The following WWOX variants were observed in gnomAD, a reference collection of about 807,000 sequenced individuals.
WWOX encodes the protein WW domain-containing oxidoreductase.
WWOX carries 69 observed loss-of-function variants against 46.2 expected under a neutral mutation model. The observed-to-expected ratio is 1.49, with a 90% CI of 1.23 to 1.82. The LOEUF (loss-of-function observed/expected upper bound fraction) is 1.82. WWOX is among the 40% of genes most tolerant of loss of function. The pLI is 0.00. For synonymous variants in WWOX, 359 were observed against 202.6 expected, an observed-to-expected ratio of 1.77 and a Z score of -6.56; for missense variants, 919 against 542.6, an observed-to-expected ratio of 1.69 and a Z score of -6.89.
At chr16:78,790,425 G>A (rs569056099) in intron 8 of WWOX, among the ~76,000 whole-genome samples, 15 of 152,194 alleles carry the variant, frequency 9.9e-5, no homozygotes, top group Admixed American at 6.5e-4. Flanking sequence ...GTGAGCCACC[G>A]TGCCCAGCTC....
chr16:78,303,771 C>T (rs201729319), intron 5 of WWOX, among the ~76,000 whole-genome samples: 2 of 152,044 alleles, frequency 1.3e-5, no homozygotes, highest in African/African-American at 2.4e-5. Context: ...CTCAAACTCC[C>T]GACCTGAGAT....
At chr16:78,678,164 C>T (rs1014854196) in intron 8 of WWOX, among the ~76,000 whole-genome samples, 9 of 152,118 alleles carry the variant, frequency 5.9e-5, no homozygotes, top group Non-Finnish European at 1.2e-4. Context: ...TCTCCTGGGT[C>T]CTGAGTACCA....
In WWOX at chr16:78,434,522, G is replaced by A. The variant is rs541792878; in HGVS notation, c.1056+1770G>A. ...AATGAGGCATTTAGGAATGGGGAGA[G>A]GAGAGAGGTGGATTCTTCCTTATTT... On this transcript the variant is annotated intron_variant, in intron 8 of 8. Transcript: ENST00000566780. 3.9e-5 allele frequency among the ~76,000 whole-genome samples: 6 copies of A among 152,340 alleles called. No homozygotes were observed. In the South Asian group the frequency reaches 1.2e-3, roughly 32 times the overall value.
At chr16:78,716,816 C>G (rs1025208391) in intron 8 of WWOX, among the ~76,000 whole-genome samples, 2 of 152,170 alleles carry the variant, frequency 1.3e-5, no homozygotes, top group African/African-American at 4.8e-5. Context: ...GGTCCATAGC[C>G]TGAGCTTACC....
At chr16:78,903,757 C>T (rs1235051431) in intron 8 of WWOX, among the ~76,000 whole-genome samples, 4 of 152,192 alleles carry the variant, frequency 2.6e-5, no homozygotes, top group East Asian at 3.9e-4. Flanking sequence ...AGTACAGGAG[C>T]TCAGAAAAGT....
At chr16:78,909,527 C>T (rs1468215575) in intron 8 of WWOX, among the ~76,000 whole-genome samples, 1 of 152,130 alleles carries the variant, frequency 6.6e-6, no homozygotes, top group Non-Finnish European at 1.5e-5. Context: ...TCCCACGTGC[C>T]TTCTGGATGG....
intron 8 of WWOX, among the ~76,000 whole-genome samples, chr16:79,152,199 C>T (rs1308469279): frequency 6.6e-6 from 1 of 152,168 alleles, no homozygotes; most frequent in Non-Finnish European, 1.5e-5. Context: ...CGAGGCGAGG[C>T]CCTGAGGAGC....
chr16:79,141,746 A>G (rs1040327584), intron 8 of WWOX, among the ~76,000 whole-genome samples: 1 of 151,970 alleles, frequency 6.6e-6, no homozygotes, highest in African/African-American at 2.4e-5. Flanking sequence ...GAGGGCCAGA[A>G]GGAAGCAGTG....
intron 8 of WWOX, among the ~76,000 whole-genome samples, chr16:78,661,755 G>C (rs1343155589): frequency 3.3e-5 from 5 of 152,174 alleles, no homozygotes; most frequent in Non-Finnish European, 1.5e-5. Context: ...GTAGTTAATA[G>C]ACTGGGTACA....
intron 8 of WWOX, among the ~76,000 whole-genome samples, chr16:78,660,374 A>G (rs1030234139): frequency 6.6e-6 from 1 of 152,108 alleles, no homozygotes; most frequent in South Asian, 2.1e-4. Flanking sequence ...GGGGAAACAG[A>G]AGGAAATTGG....
At chr16:78,387,963 A>C (rs1174951221) in intron 6 of WWOX, among the ~76,000 whole-genome samples, 3 of 152,080 alleles carry the variant, frequency 2.0e-5, no homozygotes, top group African/African-American at 7.2e-5. Context: ...TGTTGCAAGC[A>C]GATGAAGGAT....
At chr16:78,764,696 C>T (rs992017557) in intron 8 of WWOX, among the ~76,000 whole-genome samples, 3 of 150,564 alleles carry the variant, frequency 2.0e-5, no homozygotes, top group Non-Finnish European at 2.9e-5. Flanking sequence ...GTTTCCTCAT[C>T]TGCAAAATGG....
intron 8 of WWOX, among the ~76,000 whole-genome samples, chr16:78,543,516 C>G (rs1278534680): frequency 6.6e-6 from 1 of 152,218 alleles, no homozygotes; most frequent in Admixed American, 6.5e-5. Context: ...GCACCTTACA[C>G]AGAAGTTTGG....
Position 78,535,926 on chromosome 16 carries a change from C to T in WWOX, c.1056+103174C>T, listed in dbSNP as rs533935055. Among the ~76,000 whole-genome samples, 46 of 152,190 alleles carry T rather than the reference C, an allele frequency of 3.0e-4. 1 individual carries two copies. Among genetic ancestry groups the T allele is most frequent in the South Asian group, 4.2e-4 (2 of 4,806 alleles). ...TGGGGATAATTTATTGACAGTGGAC[C>T]GTGAGGTTCTGCGCACAAAATTCGT... On this transcript the variant is annotated intron_variant, in intron 8 of 8. Coordinates refer to ENST00000566780, the MANE Select transcript of WWOX (RefSeq NM_016373.4).
At chr16:78,686,387 T>C (rs952138370) in intron 8 of WWOX, among the ~76,000 whole-genome samples, 1 of 152,056 alleles carries the variant, frequency 6.6e-6, no homozygotes, top group Non-Finnish European at 1.5e-5. Flanking sequence ...GGCGGGCGCC[T>C]GTAGTCCCAG....
At chr16:79,074,123 A>T (rs1286629701) in intron 8 of WWOX, among the ~76,000 whole-genome samples, 1 of 152,146 alleles carries the variant, frequency 6.6e-6, no homozygotes, top group Non-Finnish European at 1.5e-5. Context: ...GCTGACTAGA[A>T]TGTTGACGTT....
intron 8 of WWOX, among the ~76,000 whole-genome samples, chr16:78,665,240 G>A (rs764363593): frequency 3.9e-5 from 6 of 152,124 alleles, no homozygotes; most frequent in Non-Finnish European, 5.9e-5. Context: ...GCTGAATTCC[G>A]GCACTGCCAC....
rs754564634 is a variant in WWOX at position 78,761,932 on chromosome 16, A to G, written c.1056+329180A>G. 2.0e-5 allele frequency among the ~76,000 whole-genome samples: 3 copies of G among 152,186 alleles called. No homozygotes were observed. In the South Asian group the frequency reaches 6.2e-4, roughly 32 times the overall value. On this transcript the variant is annotated intron_variant, in intron 8 of 8. Transcript: ENST00000566780. Reference sequence around the variant, plus strand: ...TGTGTGTGAGTGTGTGAGGGGATCAATTATATACATAAGACAAAGACCACC... The same window carrying G: ...TGTGTGTGAGTGTGTGAGGGGATCAGTTATATACATAAGACAAAGACCACC...
chr16:78,609,747 G>A (rs577164232), intron 8 of WWOX, among the ~76,000 whole-genome samples: 21 of 152,152 alleles, frequency 1.4e-4, no homozygotes, highest in Non-Finnish European at 2.5e-4. Flanking sequence ...GAAAACAAAG[G>A]GGTGAGGTGG....
Sources: allele counts gnomAD v4.1 joint callset (sites outside exome capture counted in the v4.1 genomes callset), GRCh38; gene constraint gnomAD v4.1.1; transcripts MANE v1.5; gene names NCBI Gene and HGNC (gene_info 2026-07-23, HGNC 2026-07-21).